SPOCK3: variants seen among roughly 807,000 people sequenced by gnomAD.
SPOCK3 encodes testican-3.
SPOCK3 carries 30 observed loss-of-function variants against 56.6 expected under a neutral mutation model. The ratio of observed to expected loss-of-function variants is 0.53; its 90% CI spans 0.40 to 0.72. The LOEUF is 0.72. SPOCK3 is among the 30% of genes least tolerant of loss of function. SPOCK3 has a pLI of 0.00. For synonymous variants in SPOCK3, 196 were observed against 183.3 expected (o/e 1.07, Z -0.56); for missense variants, 527 against 530.0 (o/e 0.99, Z 0.06).
At chr4:166,768,134 C>G (rs893146535) in intron 7 of SPOCK3, among the ~76,000 whole-genome samples, 1 of 152,100 alleles carries the variant, frequency 6.6e-6, no homozygotes, top group East Asian at 1.9e-4. Flanking sequence ...GGTCTTGACT[C>G]TTTATCCAAT....
At chr4:167,031,706 G>A (rs1304032231) in intron 3 of SPOCK3, among the ~76,000 whole-genome samples, 1 of 151,996 alleles carries the variant, frequency 6.6e-6, no homozygotes, top group South Asian at 2.1e-4. Flanking sequence ...ATTAAAAATA[G>A]GGTTTATGCA....
chr4:167,177,757 T>C (rs1448083171), intron 2 of SPOCK3, among the ~76,000 whole-genome samples: 2 of 152,164 alleles, frequency 1.3e-5, no homozygotes, highest in African/African-American at 2.4e-5. Context: ...TAGTCAACAT[T>C]GTCAACTTGC....
intron 4 of SPOCK3, among the ~76,000 whole-genome samples, chr4:166,960,814 T>G (rs1287063267): frequency 6.6e-6 from 1 of 152,088 alleles, no homozygotes; most frequent in Non-Finnish European, 1.5e-5. Flanking sequence ...GGGATCGAGT[T>G]TTAAGAAATC....
intron 8 of SPOCK3, among the ~76,000 whole-genome samples, chr4:166,750,879 A>C (rs1736286688): frequency 6.6e-6 from 1 of 152,222 alleles, no homozygotes; most frequent in Non-Finnish European, 1.5e-5. Flanking sequence ...TGGATAATAT[A>C]GAGTCAAAAC....
intron 2 of SPOCK3, among the ~76,000 whole-genome samples, chr4:167,159,076 G>A (rs1473567038): frequency 2.6e-5 from 4 of 151,996 alleles, no homozygotes; most frequent in Non-Finnish European, 5.9e-5. Context: ...AGCAAGAACA[G>A]AGGTTTAATT....
intron 2 of SPOCK3, among the ~76,000 whole-genome samples, chr4:167,215,803 A>C (rs1322805100): frequency 6.6e-6 from 1 of 152,154 alleles, no homozygotes; most frequent in Non-Finnish European, 1.5e-5. Context: ...CTCACACTGC[A>C]GTATTACCTT....
At chr4:167,103,414 G>A (rs1759827598) in intron 2 of SPOCK3, among the ~76,000 whole-genome samples, 1 of 152,106 alleles carries the variant, frequency 6.6e-6, no homozygotes, top group African/African-American at 2.4e-5. Flanking sequence ...TTTACCATAA[G>A]CTCGCTGATG....
At chr4:166,844,971 T>G (rs1747904898) in intron 6 of SPOCK3, among the ~76,000 whole-genome samples, 1 of 152,252 alleles carries the variant, frequency 6.6e-6, no homozygotes, top group Non-Finnish European at 1.5e-5. Context: ...ATATTTGGAT[T>G]GCTGAGGCAG....
chr4:166,854,818 G>A (rs1730487502), intron 6 of SPOCK3, among the ~76,000 whole-genome samples: 1 of 152,100 alleles, frequency 6.6e-6, no homozygotes, highest in African/African-American at 2.4e-5. Context: ...CAATCCCTGA[G>A]CAGCTTCTAA....
At chr4:166,799,289 C>T (rs1010920654) in intron 6 of SPOCK3, among the ~76,000 whole-genome samples, 1 of 152,188 alleles carries the variant, frequency 6.6e-6, no homozygotes, top group African/African-American at 2.4e-5. Context: ...GTTGATAATG[C>T]TCCTGCACAG....
At chr4:167,168,074 T>C (rs1359286113) in intron 2 of SPOCK3, among the ~76,000 whole-genome samples, 1 of 152,126 alleles carries the variant, frequency 6.6e-6, no homozygotes, top group Non-Finnish European at 1.5e-5. Context: ...TCCTCATTCA[T>C]CTTCAGCCAT....
At chr4:166,955,717 TTATAAC>T (rs1743384523) in intron 4 of SPOCK3, among the ~76,000 whole-genome samples, 1 of 149,760 alleles carries the variant, frequency 6.7e-6, no homozygotes, top group African/African-American at 2.4e-5. Context: ...AATATATAAT[TTATAAC>T]TATATTTATT....
chr4:167,050,518 C>T (rs773184848), intron 3 of SPOCK3, among the ~76,000 whole-genome samples: 7 of 152,084 alleles, frequency 4.6e-5, no homozygotes, highest in Non-Finnish European at 1.0e-4. Flanking sequence ...AATACGATTA[C>T]CATATGATCC....
chr4:167,035,447 A>C (rs1372269656), intron 3 of SPOCK3, among the ~76,000 whole-genome samples: 1 of 152,128 alleles, frequency 6.6e-6, no homozygotes, highest in Non-Finnish European at 1.5e-5. Context: ...AGGAAATTGA[A>C]ACCTTACGAG....
At chr4:166,942,979 T>A (rs72971676) in intron 4 of SPOCK3, among the ~76,000 whole-genome samples, 5,137 of 152,226 alleles carry the variant, frequency 0.034, 312 homozygotes, top group African/African-American at 0.12. Flanking sequence ...ATATTCTGTC[T>A]TTTTTTCTTC....
intron 2 of SPOCK3, among the ~76,000 whole-genome samples, chr4:167,116,814 G>GATGTAT (rs1169136890): frequency 1.5e-5 from 2 of 129,284 alleles, no homozygotes; most frequent in African/African-American, 2.9e-5. Context: ...TACACATATA[G>GATGTAT]ATGTATATAT....
chr4:166,814,714 A>G (rs62356760), intron 6 of SPOCK3, among the ~76,000 whole-genome samples: 56,993 of 151,804 alleles, frequency 0.38, 12,587 homozygotes, highest in East Asian at 0.74. Flanking sequence ...ATTTGGGTGG[A>G]CTGAGCCACT....
intron 6 of SPOCK3, among the ~76,000 whole-genome samples, chr4:166,877,503 CA>C (rs1356622936): frequency 6.6e-6 from 1 of 151,886 alleles, no homozygotes; most frequent in Non-Finnish European, 1.5e-5. Flanking sequence ...TATTATTAGG[CA>C]AATGTAACAG....
intron 6 of SPOCK3, among the ~76,000 whole-genome samples, chr4:166,806,057 A>G (rs901969141): frequency 3.3e-5 from 5 of 152,132 alleles, no homozygotes; most frequent in African/African-American, 1.2e-4. Flanking sequence ...AATGTTATTT[A>G]AAAGCAATGT....
Sources: gnomAD v4.1 joint callset for allele counts (sites outside exome capture counted in the v4.1 genomes callset) on GRCh38, gnomAD v4.1.1 for gene constraint, MANE v1.5 for transcripts, NCBI Gene and HGNC (gene_info 2026-07-23, HGNC 2026-07-21) for gene names.